Variants in CCSER1 observed in about 807,000 individuals in gnomAD.
CCSER1 encodes the protein coiled-coil serine rich protein 1, also known as serine-rich coiled-coil domain-containing protein 1.
CCSER1 carries 41 observed loss-of-function variants against 82.0 expected under a neutral mutation model. That is an observed-to-expected ratio of 0.50 (90% CI 0.39 to 0.65). The LOEUF (loss-of-function observed/expected upper bound fraction) is 0.65, where lower values mean the gene tolerates loss of function less well. Ranked by LOEUF, CCSER1 falls within the 30% of genes least tolerant of loss-of-function variation. The pLI is 0.00. For missense variants in CCSER1, 1,119 were observed against 1,064.2 expected, an observed-to-expected ratio of 1.05 and a Z score of -0.72; for synonymous variants, 414 against 383.9, an observed-to-expected ratio of 1.08 and a Z score of -0.92.
At chr4:90,393,805 C>T (rs1338501448) in intron 3 of CCSER1, among the ~76,000 whole-genome samples, 5 of 134,300 alleles carry the variant, frequency 3.7e-5, no homozygotes, top group Non-Finnish European at 7.7e-5. Context: ...GGGACAGGAC[C>T]TTGCTCCATC....
chr4:90,197,972 G>T (rs1736917531), intron 1 of CCSER1, among the ~76,000 whole-genome samples: 2 of 151,960 alleles, frequency 1.3e-5, no homozygotes, highest in Admixed American at 1.3e-4. Flanking sequence ...TTGAAGGGAT[G>T]GATACCCCAT....
At position 90,815,762 on chromosome 4, in the gene CCSER1, G is replaced by A; in HGVS notation, c.2011G>A (p.Asp671Asn). 1 of 1,549,334 alleles carries A rather than the reference G, an allele frequency of 6.5e-7. No homozygotes were observed. Among genetic ancestry groups the A allele is most frequent in the African/African-American group, 1.4e-5 (1 of 73,090 alleles). ...PLTEEPVPFK[D>N]IMKDECSMLK... The stretch of plus-strand genomic sequence containing the variant: ...TGCTGTCTCTTTGATGTTTTTATAG[G>A]ATATAATGAAAGATGAATGCTCGAT... Residue 671 changes from aspartate (D) to asparagine (N), a missense_variant and splice_region_variant, in exon 8 of 11, where the codon GAT (aspartate) becomes AAT (asparagine). By Grantham distance (23) the Asp-to-Asn change is conservative. Transcript: ENST00000509176.
chr4:91,160,042 C>G (rs1021712332), intron 10 of CCSER1, among the ~76,000 whole-genome samples: 3 of 149,208 alleles, frequency 2.0e-5, no homozygotes, highest in African/African-American at 7.3e-5. Flanking sequence ...TGCTATCCCT[C>G]CCCCTGCCCC....
At chr4:90,394,774 C>G (rs1185696486) in intron 3 of CCSER1, among the ~76,000 whole-genome samples, 1 of 151,728 alleles carries the variant, frequency 6.6e-6, no homozygotes, top group East Asian at 1.9e-4. Flanking sequence ...TTTTATGATT[C>G]TATGACATTT....
At chr4:90,545,247 G>A (rs540720935) in intron 5 of CCSER1, among the ~76,000 whole-genome samples, 71 of 152,180 alleles carry the variant, frequency 4.7e-4, no homozygotes, top group African/African-American at 1.6e-3. Flanking sequence ...CTTCCCTCAT[G>A]CATACATATA....
intron 10 of CCSER1, among the ~76,000 whole-genome samples, chr4:91,148,497 T>A (rs1729771373): frequency 2.6e-5 from 4 of 152,120 alleles, no homozygotes; most frequent in Admixed American, 1.3e-4. Flanking sequence ...TTATTTTTAT[T>A]ATTATACTTT....
intron 3 of CCSER1, among the ~76,000 whole-genome samples, chr4:90,335,125 G>GA (rs1740141346): frequency 1.3e-5 from 2 of 152,106 alleles, no homozygotes; most frequent in Admixed American, 1.3e-4. Flanking sequence ...TTATTCAAAG[G>GA]CATTATTTTT....
At chr4:90,264,659 A>C (rs1186404718) in intron 1 of CCSER1, among the ~76,000 whole-genome samples, 3 of 150,032 alleles carry the variant, frequency 2.0e-5, no homozygotes, top group Admixed American at 6.7e-5. Context: ...CTGCTCTACT[A>C]TTCAGTGTCT....
intron 1 of CCSER1, among the ~76,000 whole-genome samples, chr4:90,275,824 TA>T (rs1446717829): frequency 6.6e-6 from 1 of 152,198 alleles, no homozygotes; most frequent in Non-Finnish European, 1.5e-5. Flanking sequence ...GCATATTCAC[TA>T]TACAAGTGAT....
At chr4:90,139,227 A>G (rs1724273673) in intron 1 of CCSER1, among the ~76,000 whole-genome samples, 1 of 152,182 alleles carries the variant, frequency 6.6e-6, no homozygotes, top group African/African-American at 2.4e-5. Context: ...ATATCCTGTC[A>G]CTAGTGTGGT....
chr4:90,296,574 A>G (rs1046824233), intron 1 of CCSER1, among the ~76,000 whole-genome samples: 4 of 152,144 alleles, frequency 2.6e-5, no homozygotes, highest in Non-Finnish European at 5.9e-5. Flanking sequence ...GCCCATGCCT[A>G]TGTCCTGAAT....
At position 90,489,025 on chromosome 4, in the gene CCSER1, T is replaced by C. The variant is rs1386294241; in HGVS notation, c.1724+20671T>C. Among the ~76,000 whole-genome samples the C allele has an allele frequency of 2.0e-5, 3 of 152,178 alleles. No homozygotes were observed. In the East Asian group the frequency reaches 5.8e-4, roughly 29 times the overall value. The stretch of plus-strand genomic sequence containing the variant: ...TAAATATAACAACTTGGATAATACA[T>C]ACCAGAATAATGAGACTGCCTTGTA... On this transcript the variant is annotated intron_variant, in intron 5 of 10. Transcript: ENST00000509176.
chr4:90,914,715 GAAAAAAAAAAAAAA>G (rs1727026751), intron 8 of CCSER1, among the ~76,000 whole-genome samples: 4 of 128,624 alleles, frequency 3.1e-5, no homozygotes, highest in Admixed American at 7.9e-5. Flanking sequence ...GCTTTTTATT[GAAAAAAAAAAAAAA>G]CTTTTTTGAA....
At chr4:91,026,132 T>A (rs1024609207) in intron 9 of CCSER1, among the ~76,000 whole-genome samples, 2 of 152,132 alleles carry the variant, frequency 1.3e-5, no homozygotes, top group Non-Finnish European at 2.9e-5. Context: ...TTGTTACACA[T>A]GCAAGCATTT....
At chr4:91,474,990 T>C (rs1757505198) in intron 10 of CCSER1, among the ~76,000 whole-genome samples, 1 of 151,714 alleles carries the variant, frequency 6.6e-6, no homozygotes. Flanking sequence ...GAGCATTGGG[T>C]AATAAAGGTG....
At chr4:91,156,677 A>T (rs1730848966) in intron 10 of CCSER1, among the ~76,000 whole-genome samples, 1 of 151,822 alleles carries the variant, frequency 6.6e-6, no homozygotes, top group African/African-American at 2.4e-5. Flanking sequence ...GTAAAACAGG[A>T]ACTTCTTCAT....
chr4:90,520,401 C>T (rs375184365), intron 5 of CCSER1, among the ~76,000 whole-genome samples: 3 of 152,046 alleles, frequency 2.0e-5, no homozygotes, highest in South Asian at 2.1e-4. Context: ...TCTGCTGTCA[C>T]CTGAAAATGG....
At chr4:91,070,753 G>T (rs1382886123) in intron 9 of CCSER1, among the ~76,000 whole-genome samples, 1 of 152,080 alleles carries the variant, frequency 6.6e-6, no homozygotes, top group Non-Finnish European at 1.5e-5. Context: ...CCCAGCGGTG[G>T]AAAAAATGCC....
chr4:90,952,716 G>A (rs781643947), intron 9 of CCSER1, among the ~76,000 whole-genome samples: 4 of 152,084 alleles, frequency 2.6e-5, no homozygotes, highest in South Asian at 2.1e-4. Context: ...CATATTTGCC[G>A]AGGTTAGCTC....
Sources: gnomAD v4.1 joint callset for allele counts (sites outside exome capture counted in the v4.1 genomes callset) on GRCh38, gnomAD v4.1.1 for gene constraint, MANE v1.5 for transcripts, NCBI Gene and HGNC (gene_info 2026-07-23, HGNC 2026-07-21) for gene names.